The following VPS53 variants were observed in gnomAD, a reference collection of about 807,000 sequenced individuals.
VPS53 encodes the protein VPS53 subunit of GARP complex.
VPS53 carries 70 observed loss-of-function variants against 107.0 expected under a neutral mutation model. That is an observed-to-expected ratio of 0.65 (90% CI 0.54 to 0.80). VPS53 has a LOEUF of 0.80. VPS53 is among the 30% of genes least tolerant of loss of function. VPS53 has a pLI of 0.00. For synonymous variants in VPS53, 409 were observed against 393.3 expected (o/e 1.04, Z -0.47); for missense variants, 917 against 1,049.4 (o/e 0.87, Z 1.74).
At position 616,122 on chromosome 17, in the gene VPS53, C is replaced by T. The variant is rs555860281; in HGVS notation, c.1116+7411G>A. 8.9e-4 allele frequency: 136 copies of T among 152,330 alleles called. 1 individual carries two copies. The highest frequency in any genetic ancestry group is 3.0e-3 in the African/African-American group (125 of 41,572). The allele number at this position is 152,330 out of a possible 1,614,324, so 9.4% of individuals were successfully genotyped here. ...TAAAGTGGCCATAGGGCTTCTGTTG[C>T]CTTCCTAGAAACTTATCTTTAAGGG... On this transcript the variant is annotated intron_variant, in intron 11 of 21. Transcript: ENST00000437048.
intron 12 of VPS53, among the ~76,000 whole-genome samples, chr17:599,198 C>G (rs1968194046): frequency 6.6e-6 from 1 of 151,774 alleles, no homozygotes; most frequent in African/African-American, 2.4e-5. Context: ...CCGGCCGCCC[C>G]TACTGGGAAG....
At chr17:613,052 C>T (rs925667088) in intron 11 of VPS53, among the ~76,000 whole-genome samples, 3 of 149,220 alleles carry the variant, frequency 2.0e-5, no homozygotes, top group Admixed American at 2.0e-4. Context: ...TGAATTCACA[C>T]AGTGAAAACC....
intron 5 of VPS53, among the ~76,000 whole-genome samples, chr17:660,936 G>A (rs1971411518): frequency 6.6e-6 from 1 of 152,146 alleles, no homozygotes; most frequent in South Asian, 2.1e-4. Flanking sequence ...CTCCCATGGA[G>A]GAGGAGAAGG....
intron 17 of VPS53, among the ~76,000 whole-genome samples, chr17:544,930 A>G (rs1220380602): frequency 6.6e-6 from 1 of 151,902 alleles, no homozygotes; most frequent in Non-Finnish European, 1.5e-5. Flanking sequence ...AAATCAAGAA[A>G]ATTAGCCAGG....
intron 12 of VPS53, among the ~76,000 whole-genome samples, chr17:589,702 T>C (rs531221796): frequency 6.6e-6 from 1 of 152,308 alleles, no homozygotes; most frequent in African/African-American, 2.4e-5. Flanking sequence ...AATGGAGCCA[T>C]CTTAAGAATG....
intron 2 of VPS53, among the ~76,000 whole-genome samples, chr17:702,828 A>G (rs1006333671): frequency 6.6e-6 from 1 of 152,184 alleles, no homozygotes; most frequent in African/African-American, 2.4e-5. Context: ...CAACAATTGC[A>G]GGCACTTCAC....
intron 13 of VPS53, among the ~76,000 whole-genome samples, chr17:572,360 T>C (rs1914220455): frequency 2.0e-5 from 3 of 148,042 alleles, no homozygotes; most frequent in African/African-American, 7.6e-5. Flanking sequence ...CCGCCCCGTC[T>C]GAGAAGTGAG....
At chr17:649,052 CACT>C (rs1468440897) in intron 7 of VPS53, among the ~76,000 whole-genome samples, 18 of 20,840 alleles carry the variant, frequency 8.6e-4, no homozygotes, top group Non-Finnish European at 1.0e-3. Flanking sequence ...ATGGAACAGG[CACT>C]GAAGATCTTA....
intron 11 of VPS53, among the ~76,000 whole-genome samples, chr17:605,136 G>T (rs1309710127): frequency 6.6e-6 from 1 of 152,164 alleles, no homozygotes; most frequent in Non-Finnish European, 1.5e-5. Flanking sequence ...GGAACAGCAC[G>T]TGTCTGCCGC....
At chr17:679,098 G>GA (rs756973692) in intron 4 of VPS53, among the ~76,000 whole-genome samples, 1 of 152,184 alleles carries the variant, frequency 6.6e-6, no homozygotes, top group Non-Finnish European at 1.5e-5. Context: ...GTAATGAACT[G>GA]AAACAGGAAA....
At chr17:679,622 TAC>T in intron 4 of VPS53, among the ~76,000 whole-genome samples, 1 of 152,262 alleles carries the variant, frequency 6.6e-6, no homozygotes, top group South Asian at 2.1e-4. Context: ...AACAAGGACT[TAC>T]TAAAATCAAC....
In VPS53 at chr17:509,948, C is replaced by T. The variant is rs367700551; in HGVS notation, c.*9180G>A. Reference sequence around the variant, plus strand: ...TATCAAATCCTGGCTCGCCCCTCACCAGTCACATATCAAATCCTGGCTCGC... The same window carrying T: ...TATCAAATCCTGGCTCGCCCCTCACTAGTCACATATCAAATCCTGGCTCGC... On this transcript the variant is annotated 3_prime_UTR_variant, in exon 22 of 22. Transcript: ENST00000437048. The T allele has an allele frequency of 9.9e-4, 37 of 37,354 alleles. No individual in the cohort carries two copies. The highest frequency in any genetic ancestry group is 5.0e-3 in the South Asian group (3 of 598). The allele number at this position is 37,354 out of a possible 1,614,324, so 2.3% of individuals were successfully genotyped here.
At position 627,150 on chromosome 17, in the gene VPS53, A is replaced by C. The variant is rs990924507; in HGVS notation, c.974+24T>G. ...ATGGTGAAAATTTGATTAACCACAG[A>C]ACCAGTAGAGAACTGGCATCTACCT... is the stretch of plus-strand genomic sequence containing the variant. On this transcript the variant is annotated intron_variant, in intron 10 of 21. Transcript: ENST00000437048. The C allele has an allele frequency of 5.0e-6, 8 of 1,606,032 alleles. No individual in the cohort carries two copies. In the African/African-American group the frequency reaches 1.1e-4, roughly 22 times the overall value.
chr17:611,373 G>T (rs1366385556), intron 11 of VPS53, among the ~76,000 whole-genome samples: 1 of 152,148 alleles, frequency 6.6e-6, no homozygotes, highest in African/African-American at 2.4e-5. Context: ...AAAAGCAAAT[G>T]AAAACCACAA....
intron 18 of VPS53, among the ~76,000 whole-genome samples, chr17:534,531 G>C (rs539746914): frequency 6.6e-6 from 1 of 152,260 alleles, no homozygotes; most frequent in Admixed American, 6.5e-5. Flanking sequence ...CCTCAGTGCT[G>C]GAAACCAGAG....
chr17:535,214 A>G (rs977114983), intron 18 of VPS53, among the ~76,000 whole-genome samples: 15 of 152,220 alleles, frequency 9.9e-5, no homozygotes, highest in Non-Finnish European at 1.5e-4. Context: ...CTGAATGATT[A>G]CAGATGTGAG....
In VPS53 at chr17:553,372, G is replaced by A. The variant is rs532168648; in HGVS notation, c.1787+8C>T. On this transcript the variant is annotated splice_region_variant and intron_variant, in intron 16 of 21. Transcript: ENST00000437048. Reference sequence around the variant, plus strand: ...CAGGCAGCCAGTAAGTGTGTGCAGGGTACATACGTGCTGAACGTGTCCATC... The same window carrying A: ...CAGGCAGCCAGTAAGTGTGTGCAGGATACATACGTGCTGAACGTGTCCATC... 14 of 1,613,652 alleles carry A rather than the reference G, an allele frequency of 8.7e-6. No individual in the cohort carries two copies. The highest frequency in any genetic ancestry group is 2.7e-5 in the African/African-American group (2 of 75,034).
At chr17:706,535 CAAAA>C (rs1282036208) in intron 2 of VPS53, among the ~76,000 whole-genome samples, 2 of 66,226 alleles carry the variant, frequency 3.0e-5, no homozygotes, top group Admixed American at 1.8e-4. Context: ...GACTCAGTCT[CAAAA>C]AAAAAAAAAA....
At position 696,589 on chromosome 17, in the gene VPS53, C is replaced by T. The variant is rs543218149; in HGVS notation, c.285+829G>A. On this transcript the variant is annotated intron_variant, in intron 4 of 21. Coordinates refer to ENST00000437048, the MANE Select transcript of VPS53 (RefSeq NM_001128159.3). ...CTACTACAACAGCCATTCTGAAATA[C>T]GATGCCTCAACAGAAGAACAGAATC... Among the ~76,000 whole-genome samples the T allele has an allele frequency of 1.9e-3, 283 of 152,186 alleles. 1 individual carries two copies. Among genetic ancestry groups the T allele is most frequent in the Non-Finnish European group, 3.3e-3 (225 of 68,008 alleles).
Sources: gnomAD v4.1 joint callset for allele counts (sites outside exome capture counted in the v4.1 genomes callset) on GRCh38, gnomAD v4.1.1 for gene constraint, MANE v1.5 for transcripts, NCBI Gene and HGNC (gene_info 2026-07-23, HGNC 2026-07-21) for gene names.